The following PIP5K1B variants were observed in gnomAD, a reference collection of about 807,000 sequenced individuals.
The protein encoded by PIP5K1B is phosphatidylinositol-4-phosphate 5-kinase type 1 beta.
In PIP5K1B, 42 loss-of-function variants were observed where a neutral mutation model predicts 67.0. That is an observed-to-expected ratio of 0.63 (90% CI 0.49 to 0.81). The LOEUF is 0.81. PIP5K1B is among the 30% of genes least tolerant of loss of function. The pLI, the probability that PIP5K1B is intolerant of heterozygous loss-of-function variation, is 0.00. For synonymous variants in PIP5K1B, 214 were observed against 231.4 expected, an observed-to-expected ratio of 0.92 and a Z score of 0.68; for missense variants, 459 against 646.3, an observed-to-expected ratio of 0.71 and a Z score of 3.14.
At chr9:68,734,285 C>T (rs534518898) in intron 1 of PIP5K1B, among the ~76,000 whole-genome samples, 2 of 152,252 alleles carry the variant, frequency 1.3e-5, no homozygotes, top group South Asian at 2.1e-4. Context: ...TGAGGAAATA[C>T]GCATGTGAGA....
Position 69,008,500 on chromosome 9 carries a change from G to A in PIP5K1B, c.*51G>A, listed in dbSNP as rs1831188982. ...ATGGATGAGACGTGAGCACAGTTAT[G>A]GCAGAGAAGTTTCTCCGCACCAGAA... On this transcript the variant is annotated 3_prime_UTR_variant, in exon 16 of 16. Transcript: ENST00000265382. 1 of 1,595,798 alleles carries A rather than the reference G, an allele frequency of 6.3e-7. No homozygotes were observed. The highest frequency in any genetic ancestry group is 8.6e-7 in the Non-Finnish European group (1 of 1,163,372).
At chr9:68,876,419 CA>C (rs1823901761) in intron 5 of PIP5K1B, among the ~76,000 whole-genome samples, 1 of 152,142 alleles carries the variant, frequency 6.6e-6, no homozygotes, top group Non-Finnish European at 1.5e-5. Context: ...GAAGAAGGCA[CA>C]AGGGGATAAA....
chr9:68,991,765 ATGCCC>A (rs1830373953), intron 15 of PIP5K1B, among the ~76,000 whole-genome samples: 1 of 152,178 alleles, frequency 6.6e-6, no homozygotes, highest in African/African-American at 2.4e-5. Context: ...GAGGGAAATA[ATGCCC>A]ACCCTGCCTA....
chr9:68,757,274 T>G (rs1829970530), intron 2 of PIP5K1B, among the ~76,000 whole-genome samples: 1 of 152,198 alleles, frequency 6.6e-6, no homozygotes. Flanking sequence ...TTTCTAGAAT[T>G]TTAATTTTCT....
chr9:68,904,700 G>T (rs1825523101), intron 8 of PIP5K1B, among the ~76,000 whole-genome samples: 2 of 151,676 alleles, frequency 1.3e-5, no homozygotes, highest in Non-Finnish European at 2.9e-5. Context: ...TGTGTGAGCA[G>T]CTTTTGAGAA....
At chr9:68,842,519 C>G (rs1389831294) in intron 4 of PIP5K1B, among the ~76,000 whole-genome samples, 3 of 152,186 alleles carry the variant, frequency 2.0e-5, no homozygotes, top group African/African-American at 7.2e-5. Context: ...AGCATATATG[C>G]AGACAACAAG....
chr9:68,899,044 G>T (rs1450398676), intron 8 of PIP5K1B, among the ~76,000 whole-genome samples: 8 of 152,140 alleles, frequency 5.3e-5, no homozygotes, highest in Admixed American at 3.9e-4. Flanking sequence ...ACATTCTCCA[G>T]ATGCGTTCTT....
intron 2 of PIP5K1B, among the ~76,000 whole-genome samples, chr9:68,786,602 A>G (rs1318914105): frequency 1.3e-5 from 2 of 151,940 alleles, no homozygotes; most frequent in Non-Finnish European, 2.9e-5. Flanking sequence ...TTAAAACAGT[A>G]TTATATTAAA....
chr9:68,772,311 T>C (rs1830704163), intron 2 of PIP5K1B, among the ~76,000 whole-genome samples: 1 of 152,206 alleles, frequency 6.6e-6, no homozygotes, highest in African/African-American at 2.4e-5. Context: ...TCTTATTTTG[T>C]CTGAGAGAGG....
intron 4 of PIP5K1B, among the ~76,000 whole-genome samples, chr9:68,860,886 G>A (rs972018005): frequency 1.3e-5 from 2 of 152,172 alleles, no homozygotes; most frequent in African/African-American, 4.8e-5. Flanking sequence ...GTGTTACCTC[G>A]TGTAAGTTGC....
At chr9:68,991,951 A>G (rs1830386843) in intron 15 of PIP5K1B, among the ~76,000 whole-genome samples, 1 of 151,334 alleles carries the variant, frequency 6.6e-6, no homozygotes, top group African/African-American at 2.4e-5. Flanking sequence ...ACGTCTTTGT[A>G]TGCCTGCACA....
At chr9:68,840,803 C>T (rs12341382) in intron 4 of PIP5K1B, among the ~76,000 whole-genome samples, 9,638 of 152,246 alleles carry the variant, frequency 0.063, 618 homozygotes, top group African/African-American at 0.16. Flanking sequence ...CAACCTTGAT[C>T]GTATTTGCAA....
chr9:68,773,199 T>C (rs1025235005), intron 2 of PIP5K1B, among the ~76,000 whole-genome samples: 2 of 152,214 alleles, frequency 1.3e-5, no homozygotes, highest in Admixed American at 1.3e-4. Flanking sequence ...TGTTTTAAAG[T>C]TAACTTTATA....
intron 6 of PIP5K1B, among the ~76,000 whole-genome samples, chr9:68,883,198 G>A (rs1054852224): frequency 1.3e-5 from 2 of 152,190 alleles, no homozygotes; most frequent in Non-Finnish European, 2.9e-5. Context: ...ACTAGCAACT[G>A]ATACAAATCT....
intron 2 of PIP5K1B, among the ~76,000 whole-genome samples, chr9:68,801,117 C>T (rs1166443436): frequency 6.6e-6 from 1 of 152,172 alleles, no homozygotes; most frequent in African/African-American, 2.4e-5. Flanking sequence ...GATGCCCCTG[C>T]CTTCCTTCTG....
chr9:68,815,916 T>A (rs995826664), intron 2 of PIP5K1B, among the ~76,000 whole-genome samples: 1 of 152,154 alleles, frequency 6.6e-6, no homozygotes, highest in Non-Finnish European at 1.5e-5. Context: ...GGAGTGAATT[T>A]AGTAAGACAT....
At chr9:68,766,221 T>C (rs1170902376) in intron 2 of PIP5K1B, among the ~76,000 whole-genome samples, 1 of 152,158 alleles carries the variant, frequency 6.6e-6, no homozygotes, top group East Asian at 1.9e-4. Flanking sequence ...AGGCTACCAC[T>C]GGATAATGGA....
At chr9:68,718,813 A>G (rs1056363531) in intron 1 of PIP5K1B, among the ~76,000 whole-genome samples, 1 of 152,058 alleles carries the variant, frequency 6.6e-6, no homozygotes, top group East Asian at 1.9e-4. Flanking sequence ...GTCTTCTAAA[A>G]TCTTGTCTGC....
Position 68,891,417 on chromosome 9 carries a change from T to C in PIP5K1B, c.471+2284T>C, listed in dbSNP as rs1310504585. On this transcript the variant is annotated intron_variant, in intron 7 of 15. Coordinates refer to ENST00000265382, the MANE Select transcript of PIP5K1B (RefSeq NM_003558.4). The stretch of plus-strand genomic sequence containing the variant: ...TCAAAATTCAACATCTTCACTTAAT[T>C]AAAATTCTAAAAATTGGCAGGGGAG... 4.0e-5 allele frequency among the ~76,000 whole-genome samples: 6 copies of C among 150,116 alleles called. No homozygotes were observed. The East Asian group carries it at 1.2e-3, about 29-fold the overall frequency.
Sources: gnomAD v4.1 joint callset for allele counts (sites outside exome capture counted in the v4.1 genomes callset) on GRCh38, gnomAD v4.1.1 for gene constraint, MANE v1.5 for transcripts, NCBI Gene and HGNC (gene_info 2026-07-23, HGNC 2026-07-21) for gene names.